Variants in DNAL1 observed in about 807,000 individuals in gnomAD.
The protein encoded by DNAL1 is dynein axonemal light chain 1.
In DNAL1, 17 loss-of-function variants were observed where a neutral mutation model predicts 29.4. That is an observed-to-expected ratio of 0.58 (90% confidence interval 0.40 to 0.87). The LOEUF (loss-of-function observed/expected upper bound fraction) is 0.87, where lower values mean the gene tolerates loss of function less well. Ranked by LOEUF, DNAL1 falls within the 40% of genes least tolerant of loss-of-function variation. The pLI is 0.00. For missense variants in DNAL1, 188 were observed against 214.1 expected (o/e 0.88, Z 0.76); for synonymous variants, 78 against 76.3 (o/e 1.02, Z -0.12).
rs905960505 is a variant in DNAL1 at position 73,701,454 on chromosome 14, A to G, written c.*5512A>G. 6.6e-6 allele frequency: 1 copy of G among 152,224 alleles called. No homozygotes were observed. The highest frequency in any genetic ancestry group is 2.4e-5 in the African/African-American group (1 of 41,468). 9.4% of individuals were successfully genotyped at this position (152,224 alleles called of 1,614,324 possible). On this transcript the variant is annotated 3_prime_UTR_variant, in exon 8 of 8. Transcript: ENST00000553645. Reference sequence around the variant, plus strand: ...TTGAGTCGTCTTCCATGTCTGTTACATCCAAGATCATCCCTCTGGGGGATG... The same window carrying G: ...TTGAGTCGTCTTCCATGTCTGTTACGTCCAAGATCATCCCTCTGGGGGATG...
At chr14:73,663,915 C>A (rs941757393) in intron 4 of DNAL1, among the ~76,000 whole-genome samples, 2 of 152,158 alleles carry the variant, frequency 1.3e-5, no homozygotes, top group Admixed American at 6.6e-5. Context: ...TGCACAACTC[C>A]CCCTTATCTA....
Position 73,671,648 on chromosome 14 carries a change from GAAT to G in DNAL1, c.264+55_264+57del, listed in dbSNP as rs1236516607. On this transcript the variant is annotated intron_variant, in intron 5 of 7. Coordinates refer to ENST00000553645, the MANE Select transcript of DNAL1 (RefSeq NM_031427.4). ...ATTTATTTAATTTGCACACATCTAT[GAAT>G]AATTTCTTGGATAAATTCCTTGAAA... 39 of 1,355,502 alleles carry G rather than the reference GAAT, an allele frequency of 2.9e-5. No homozygotes were observed. The South Asian group carries it at 6.1e-4, about 21-fold the overall frequency. The allele number at this position is 1,355,502 out of a possible 1,614,324, so 84.0% of individuals were successfully genotyped here.
intron 4 of DNAL1, among the ~76,000 whole-genome samples, chr14:73,667,181 G>A (rs899081831): frequency 6.6e-6 from 1 of 150,546 alleles, no homozygotes; most frequent in African/African-American, 2.4e-5. Flanking sequence ...TAATTTTATG[G>A]CTGGGGACGG....
intron 5 of DNAL1, among the ~76,000 whole-genome samples, chr14:73,676,992 A>T (rs1169922881): frequency 2.2e-5 from 3 of 134,526 alleles, no homozygotes; most frequent in Non-Finnish European, 4.6e-5. Flanking sequence ...TTTAATTGAG[A>T]TGCAGTCTTG....
chr14:73,687,204 A>C, intron 5 of DNAL1, 55 bp from the exon 6 acceptor site: 2 of 1,598,170 alleles, frequency 1.3e-6, no homozygotes, highest in South Asian at 2.3e-5. Context: ...TATAAAGAAG[A>C]AGACAGAAAG....
At chr14:73,655,779 A>G (rs2140028282) in intron 2 of DNAL1, among the ~76,000 whole-genome samples, 1 of 152,314 alleles carries the variant, frequency 6.6e-6, no homozygotes, top group East Asian at 1.9e-4. Context: ...AGAGGCAATC[A>G]TTGTGGACAA....
intron 1 of DNAL1, among the ~76,000 whole-genome samples, chr14:73,649,401 G>C (rs1891062130): frequency 6.6e-6 from 1 of 151,606 alleles, no homozygotes; most frequent in Non-Finnish European, 1.5e-5. Flanking sequence ...TCCTGCCTCA[G>C]CCTCCCGAGT....
chr14:73,676,799 G>A (rs1382387172), intron 5 of DNAL1, among the ~76,000 whole-genome samples: 1 of 151,698 alleles, frequency 6.6e-6, no homozygotes, highest in African/African-American at 2.4e-5. Flanking sequence ...ACATGTGATG[G>A]GATAGATTTA....
At chr14:73,675,288 C>T (rs1015467569) in intron 5 of DNAL1, among the ~76,000 whole-genome samples, 4 of 151,552 alleles carry the variant, frequency 2.6e-5, no homozygotes, top group Admixed American at 1.3e-4. Flanking sequence ...GGTTCTCACT[C>T]TCTCACCCAG....
chr14:73,671,466 G>A (rs1891613118), intron 4 of DNAL1, 76 bp from the exon 5 acceptor site: 5 of 1,302,712 alleles, frequency 3.8e-6, no homozygotes, highest in Non-Finnish European at 5.0e-6. Flanking sequence ...ACTTATTAAA[G>A]CTTTATTATT....
intron 1 of DNAL1, among the ~76,000 whole-genome samples, chr14:73,645,616 G>A (rs2140018821): frequency 6.6e-6 from 1 of 152,294 alleles, no homozygotes; most frequent in South Asian, 2.1e-4. Context: ...AATGCAGATT[G>A]TGAATTTTTA....
chr14:73,652,326 C>T (rs1891130308), intron 1 of DNAL1, among the ~76,000 whole-genome samples: 1 of 152,122 alleles, frequency 6.6e-6, no homozygotes, highest in Non-Finnish European at 1.5e-5. Context: ...TGTAGTGGTG[C>T]AATCTTGGCT....
intron 7 of DNAL1, among the ~76,000 whole-genome samples, chr14:73,695,178 C>G (rs1244718644): frequency 6.6e-6 from 1 of 151,294 alleles, no homozygotes; most frequent in Non-Finnish European, 1.5e-5. Flanking sequence ...ACCTCAGCCT[C>G]CAAAGTAGTT....
At chr14:73,669,747 G>T (rs1289816700) in intron 4 of DNAL1, among the ~76,000 whole-genome samples, 2 of 152,016 alleles carry the variant, frequency 1.3e-5, no homozygotes, top group Non-Finnish European at 2.9e-5. Context: ...CTCTTTACAG[G>T]CTCTGTCTCC....
chr14:73,647,824 T>C lies in DNAL1; in HGVS notation c.3+2782T>C, dbSNP rs143759570. 3.9e-3 allele frequency among the ~76,000 whole-genome samples: 588 copies of C among 152,344 alleles called. 4 individuals carry two copies. The highest frequency in any genetic ancestry group is 0.013 in the African/African-American group (558 of 41,582). On this transcript the variant is annotated intron_variant, in intron 1 of 7. Coordinates refer to ENST00000553645, the MANE Select transcript of DNAL1 (RefSeq NM_031427.4). Reference sequence around the variant, plus strand: ...GTGAAAATACTTTTTTATGGACCCATGCAAAAGATTTCTCTTGGAAACACA... The same window carrying C: ...GTGAAAATACTTTTTTATGGACCCACGCAAAAGATTTCTCTTGGAAACACA...
chr14:73,681,413 G>A (rs1401365169), intron 5 of DNAL1, among the ~76,000 whole-genome samples: 1 of 150,880 alleles, frequency 6.6e-6, no homozygotes, highest in East Asian at 1.9e-4. Context: ...GGGATTACAG[G>A]CATGAGCCAC....
chr14:73,659,325 G>T (rs1209403689), intron 3 of DNAL1, among the ~76,000 whole-genome samples: 6 of 151,748 alleles, frequency 4.0e-5, no homozygotes, highest in Non-Finnish European at 8.8e-5. Flanking sequence ...ACCACGCCCA[G>T]CAATTTTTTT....
chr14:73,693,218 C>G (rs1195933265), intron 7 of DNAL1, among the ~76,000 whole-genome samples: 1 of 152,234 alleles, frequency 6.6e-6, no homozygotes, highest in African/African-American at 2.4e-5. Context: ...CTCTTATACC[C>G]TGTAGGATGG....
rs757106324 is a variant in DNAL1 at position 73,689,062 on chromosome 14, C to T, written c.392-313C>T. ...TTTTTTTTTTTTTTTGAGACAGAGTCGTGCTCTGTCGCTCAGTCTGGAGTG... is the reference window on the plus strand; with the variant it reads ...TTTTTTTTTTTTTTTGAGACAGAGTTGTGCTCTGTCGCTCAGTCTGGAGTG... On this transcript the variant is annotated intron_variant, in intron 6 of 7. Transcript: ENST00000553645. Among the ~76,000 whole-genome samples the T allele has an allele frequency of 4.5e-4, 49 of 110,074 alleles. 2 individuals are homozygous for T. The East Asian group carries it at 5.0e-3, about 11-fold the overall frequency. The allele number at this position is 110,074 out of a possible 152,430, so 72.2% of individuals were successfully genotyped here.
Sources: allele counts gnomAD v4.1 joint callset (sites outside exome capture counted in the v4.1 genomes callset), GRCh38; gene constraint gnomAD v4.1.1; transcripts MANE v1.5; gene names NCBI Gene and HGNC (gene_info 2026-07-23, HGNC 2026-07-21).